Variants in GALNTL6 observed in about 807,000 individuals in gnomAD.
GALNTL6 encodes the protein polypeptide N-acetylgalactosaminyltransferase like 6, also known as polypeptide N-acetylgalactosaminyltransferase-like 6.
GALNTL6 carries 46 observed loss-of-function variants against 73.7 expected under a neutral mutation model. The observed-to-expected ratio is 0.62, with a 90% CI of 0.49 to 0.80. The LOEUF is 0.80. GALNTL6 is among the 30% of genes least tolerant of loss of function. GALNTL6 has a pLI of 0.00. For synonymous variants in GALNTL6, 259 were observed against 263.7 expected (o/e 0.98, Z 0.17); for missense variants, 604 against 755.0 (o/e 0.80, Z 2.34).
At chr4:172,540,257 G>A (rs192042687) in intron 5 of GALNTL6, among the ~76,000 whole-genome samples, 99 of 151,776 alleles carry the variant, frequency 6.5e-4, no homozygotes, top group African/African-American at 2.2e-3. Flanking sequence ...CACCATTTTG[G>A]CCTCGATCTC....
intron 2 of GALNTL6, among the ~76,000 whole-genome samples, chr4:172,193,745 C>T (rs1735657796): frequency 6.6e-6 from 1 of 152,120 alleles, no homozygotes; most frequent in Non-Finnish European, 1.5e-5. Context: ...TGCCTGTAGT[C>T]CCAGCTACTT....
intron 5 of GALNTL6, chr4:172,380,418 T>G (rs911630455): frequency 1.7e-6 from 1 of 580,156 alleles, no homozygotes; most frequent in African/African-American, 1.9e-5. Context: ...GGTTCTGCTT[T>G]GAGGCCAGGA....
intron 4 of GALNTL6, among the ~76,000 whole-genome samples, chr4:172,322,904 A>G (rs1740808665): frequency 6.6e-6 from 1 of 152,194 alleles, no homozygotes; most frequent in African/African-American, 2.4e-5. Flanking sequence ...GACAACATCA[A>G]GCAAACCAAC....
At chr4:172,427,304 C>G (rs1731268648) in intron 5 of GALNTL6, among the ~76,000 whole-genome samples, 1 of 152,090 alleles carries the variant, frequency 6.6e-6, no homozygotes, top group South Asian at 2.1e-4. Flanking sequence ...TCTTACATGG[C>G]AGCAGGCAAG....
chr4:172,449,224 C>T (rs2111417743), intron 5 of GALNTL6, among the ~76,000 whole-genome samples: 1 of 152,284 alleles, frequency 6.6e-6, no homozygotes, highest in South Asian at 2.1e-4. Flanking sequence ...TCTTCTGCAA[C>T]CAGTACCTCT....
chr4:172,433,435 C>T (rs890881907), intron 5 of GALNTL6, among the ~76,000 whole-genome samples: 2 of 152,128 alleles, frequency 1.3e-5, no homozygotes, highest in Non-Finnish European at 2.9e-5. Flanking sequence ...TTTATATACC[C>T]ACCCAGGCAG....
chr4:172,306,783 T>C (rs1228915521), intron 3 of GALNTL6, among the ~76,000 whole-genome samples: 1 of 152,262 alleles, frequency 6.6e-6, no homozygotes, highest in Non-Finnish European at 1.5e-5. Context: ...TTGCTACAAA[T>C]GCCATTATTT....
At chr4:172,811,510 GGTCTCCTCT>G (rs1741299116) in intron 6 of GALNTL6, among the ~76,000 whole-genome samples, 1 of 152,126 alleles carries the variant, frequency 6.6e-6, no homozygotes, top group African/African-American at 2.4e-5. Flanking sequence ...CAGCAACAAT[GGTCTCCTCT>G]GTCAAAGACA....
chr4:172,239,166 G>A (rs1479761265), intron 3 of GALNTL6, among the ~76,000 whole-genome samples: 1 of 152,142 alleles, frequency 6.6e-6, no homozygotes, highest in Non-Finnish European at 1.5e-5. Flanking sequence ...AATAGTTTTA[G>A]TAAGAATGGT....
chr4:172,721,787 T>C (rs556697069), intron 5 of GALNTL6, among the ~76,000 whole-genome samples: 5 of 152,302 alleles, frequency 3.3e-5, no homozygotes, highest in Admixed American at 2.0e-4. Flanking sequence ...TAGATGCAGG[T>C]GCACCAAACA....
intron 7 of GALNTL6, among the ~76,000 whole-genome samples, chr4:172,823,215 G>C (rs376610433): frequency 1.6e-4 from 24 of 152,296 alleles, no homozygotes; most frequent in African/African-American, 4.6e-4. Context: ...TGCAGACAGG[G>C]ATATAGGCCC....
At chr4:172,064,428 G>T (rs1264066261) in intron 2 of GALNTL6, among the ~76,000 whole-genome samples, 1 of 152,186 alleles carries the variant, frequency 6.6e-6, no homozygotes, top group Non-Finnish European at 1.5e-5. Context: ...GTTTTCAAAA[G>T]TGTATTCTAG....
intron 5 of GALNTL6, among the ~76,000 whole-genome samples, chr4:172,501,718 A>G (rs1734268012): frequency 1.3e-5 from 2 of 152,164 alleles, no homozygotes; most frequent in African/African-American, 4.8e-5. Flanking sequence ...GCTGTAGTCC[A>G]CATAAATATG....
intron 5 of GALNTL6, among the ~76,000 whole-genome samples, chr4:172,467,447 T>A (rs189432015): frequency 1.4e-4 from 21 of 152,368 alleles, no homozygotes; most frequent in Non-Finnish European, 2.4e-4. Context: ...GCAGCTTGAC[T>A]GGCTGATGGT....
chr4:172,526,696 G>T (rs1734967924), intron 5 of GALNTL6, among the ~76,000 whole-genome samples: 2 of 152,138 alleles, frequency 1.3e-5, no homozygotes, highest in African/African-American at 4.8e-5. Context: ...AAGCAGAATT[G>T]TTATGTAATG....
At chr4:172,788,514 T>C (rs954681326) in intron 5 of GALNTL6, among the ~76,000 whole-genome samples, 1 of 151,156 alleles carries the variant, frequency 6.6e-6, no homozygotes, top group Non-Finnish European at 1.5e-5. Context: ...CTACTAAAAA[T>C]ACAAAAAATT....
At chr4:172,939,194 G>A (rs1403847358) in intron 9 of GALNTL6, among the ~76,000 whole-genome samples, 1 of 152,130 alleles carries the variant, frequency 6.6e-6, no homozygotes, top group Non-Finnish European at 1.5e-5. Context: ...TACTTGAGAG[G>A]CTGAGAAGAG....
Position 172,902,355 on chromosome 4 carries a change from G to A in GALNTL6, c.1041+19448G>A, listed in dbSNP as rs185291729. ...CAAACTAAAAGTTATTAACGACAAT[G>A]AACACTAATTAGGCACCCACAAGAG... is the stretch of plus-strand genomic sequence containing the variant. On this transcript the variant is annotated intron_variant, in intron 8 of 12. Coordinates refer to ENST00000506823, the MANE Select transcript of GALNTL6 (RefSeq NM_001034845.3). 4.4e-3 allele frequency among the ~76,000 whole-genome samples: 674 copies of A among 152,222 alleles called. 7 individuals carry two copies. Among genetic ancestry groups the A allele is most frequent in the African/African-American group, 0.015 (617 of 41,546 alleles).
chr4:172,781,187 A>G lies in GALNTL6; in HGVS notation c.554-28174A>G, dbSNP rs536918639. On this transcript the variant is annotated intron_variant, in intron 5 of 12. Transcript: ENST00000506823. ...AGGAGAGCAGCGACAGGTACCAACC[A>G]TAGAACCTTAAATGCTACCCAGAAA... Among the ~76,000 whole-genome samples the G allele has an allele frequency of 3.0e-4, 46 of 152,346 alleles. 2 individuals are homozygous for G. In the South Asian group the frequency reaches 9.5e-3, roughly 32 times the overall value.
Sources: gnomAD v4.1 joint callset for allele counts (sites outside exome capture counted in the v4.1 genomes callset) on GRCh38, gnomAD v4.1.1 for gene constraint, MANE v1.5 for transcripts, NCBI Gene and HGNC (gene_info 2026-07-23, HGNC 2026-07-21) for gene names.